Variants in PCTP observed in about 807,000 individuals in gnomAD.
The protein encoded by PCTP is START domain-containing protein 2.
PCTP carries 27 observed loss-of-function variants against 31.0 expected under a neutral mutation model. The ratio of observed to expected loss-of-function variants is 0.87; its 90% CI spans 0.64 to 1.20. PCTP has a LOEUF of 1.20. PCTP is among the 50% of genes most tolerant of loss of function. The pLI is 0.00. For synonymous variants in PCTP, 108 were observed against 101.2 expected (o/e 1.07, Z -0.40); for missense variants, 287 against 268.2 (o/e 1.07, Z -0.49).
intron 5 of PCTP, among the ~76,000 whole-genome samples, chr17:55,839,737 G>T (rs925051234): frequency 6.6e-6 from 1 of 151,012 alleles, no homozygotes; most frequent in African/African-American, 2.4e-5. Flanking sequence ...CGGCTAAAAC[G>T]GTGAAACCCC....
At chr17:55,809,524 T>G (rs111834628) in intron 3 of PCTP, among the ~76,000 whole-genome samples, 2 of 90,580 alleles carry the variant, frequency 2.2e-5, no homozygotes, top group African/African-American at 1.1e-4. Flanking sequence ...TCTCAGAGTC[T>G]TTTTTTTTTT....
intron 3 of PCTP, among the ~76,000 whole-genome samples, chr17:55,809,522 T>TC (rs147497769): frequency 0.042 from 6,127 of 144,326 alleles, 418 homozygotes; most frequent in African/African-American, 0.14. Flanking sequence ...ATTCTCAGAG[T>TC]CTTTTTTTTT....
chr17:55,804,849 CTTAAAA>C (rs1485855453), intron 3 of PCTP, among the ~76,000 whole-genome samples: 13 of 151,914 alleles, frequency 8.6e-5, no homozygotes, highest in Non-Finnish European at 1.8e-4. Flanking sequence ...TATCCCAGAA[CTTAAAA>C]TTTAATAAAA....
chr17:55,806,573 T>A (rs1326386811), intron 3 of PCTP, among the ~76,000 whole-genome samples: 1 of 152,146 alleles, frequency 6.6e-6, no homozygotes, highest in Admixed American at 6.5e-5. Context: ...AACAACATCC[T>A]ACCCTAGGAT....
chr17:55,824,438 G>A (rs1218443161), downstream of PCTP, among the ~76,000 whole-genome samples: 3 of 152,188 alleles, frequency 2.0e-5, no homozygotes, highest in Admixed American at 6.5e-5. Flanking sequence ...CTCAGTGCAT[G>A]TCTCAAATTA....
At chr17:55,823,051 G>A (rs986824091) in exon 4 of PCTP, 2 of 317,994 alleles carry the variant, frequency 6.3e-6, no homozygotes, top group African/African-American at 4.3e-5. Flanking sequence ...TCTATGTACT[G>A]GAAAGATAGC....
intron 5 of PCTP, among the ~76,000 whole-genome samples, chr17:55,837,746 A>C (rs1905823545): frequency 6.7e-6 from 1 of 149,666 alleles, no homozygotes; most frequent in African/African-American, 2.4e-5. Flanking sequence ...AGCCACCATC[A>C]TCTCTCTTGC....
At chr17:55,790,940 C>CATGATA (rs1911943189) in intron 3 of PCTP, among the ~76,000 whole-genome samples, 2 of 151,482 alleles carry the variant, frequency 1.3e-5, no homozygotes, top group Non-Finnish European at 1.5e-5. Flanking sequence ...CAGCATGATA[C>CATGATA]TGGTACCAAA....
At chr17:55,753,877 T>G (rs2144901357) in intron 1 of PCTP, among the ~76,000 whole-genome samples, 1 of 152,218 alleles carries the variant, frequency 6.6e-6, no homozygotes, top group South Asian at 2.1e-4. Context: ...GCCCCTACTC[T>G]TTCCCCAAGC....
At chr17:55,800,940 G>A (rs1265144765) in intron 3 of PCTP, among the ~76,000 whole-genome samples, 1 of 152,046 alleles carries the variant, frequency 6.6e-6, no homozygotes, top group Non-Finnish European at 1.5e-5. Context: ...GTTTGCCTGG[G>A]TATCACCAGT....
In PCTP at chr17:55,774,782, C is replaced by A. The variant is rs748464215; in HGVS notation, c.512-10C>A. The A allele has an allele frequency of 3.1e-6, 5 of 1,602,566 alleles. No individual in the cohort carries two copies. The highest frequency in any genetic ancestry group is 4.3e-6 in the Non-Finnish European group (5 of 1,170,924). On this transcript the variant is annotated splice_polypyrimidine_tract_variant and intron_variant, in intron 4 of 5. Coordinates refer to ENST00000268896, the MANE Select transcript of PCTP (RefSeq NM_021213.4). Reference sequence around the variant, plus strand: ...CCTTTTTCTGAATTGTCCTTTCTTTCCCTCTCTAGTTTTCATGTATTACTT... The same window carrying A: ...CCTTTTTCTGAATTGTCCTTTCTTTACCTCTCTAGTTTTCATGTATTACTT...
intron 5 of PCTP, among the ~76,000 whole-genome samples, chr17:55,775,155 G>C (rs571414751): frequency 2.4e-4 from 37 of 152,272 alleles, no homozygotes; most frequent in African/African-American, 8.7e-4. Context: ...TCTGCTCTTA[G>C]TAGGAACAAT....
chr17:55,784,262 C>G (rs1289428298), intron 2 of PCTP, among the ~76,000 whole-genome samples: 3 of 152,120 alleles, frequency 2.0e-5, no homozygotes. Context: ...TGTTTGTTCT[C>G]CAGCAGGAAG....
chr17:55,838,293 G>A (rs373736887), intron 5 of PCTP, among the ~76,000 whole-genome samples: 7 of 152,166 alleles, frequency 4.6e-5, no homozygotes, highest in African/African-American at 9.7e-5. Flanking sequence ...ACTCTCAGCC[G>A]CATTCATCTC....
At chr17:55,759,588 G>T (rs1910233531) in intron 1 of PCTP, among the ~76,000 whole-genome samples, 6 of 152,180 alleles carry the variant, frequency 3.9e-5, no homozygotes, top group Admixed American at 3.9e-4. Context: ...TAAATAGATT[G>T]GGGGTGTTTC....
chr17:55,848,916 C>T, the PCTP span, among the ~76,000 whole-genome samples: 1 of 152,080 alleles, frequency 6.6e-6, no homozygotes, highest in Admixed American at 6.5e-5. Flanking sequence ...ACATAGAAAA[C>T]AGTTCATGCT....
the PCTP span, among the ~76,000 whole-genome samples, chr17:55,851,367 C>T: frequency 0.015 from 2,242 of 152,248 alleles, 49 homozygotes; most frequent in African/African-American, 0.052. Flanking sequence ...ACAGAGCTTT[C>T]AGATGAGCTG....
At chr17:55,786,828 G>A (rs768213750) in intron 2 of PCTP, among the ~76,000 whole-genome samples, 5 of 152,114 alleles carry the variant, frequency 3.3e-5, no homozygotes, top group East Asian at 1.9e-4. Flanking sequence ...CCTCTCCACC[G>A]TTTCCAATGA....
chr17:55,822,132 A>G (rs917427340), intron 3 of PCTP, among the ~76,000 whole-genome samples: 1 of 152,200 alleles, frequency 6.6e-6, no homozygotes, highest in Non-Finnish European at 1.5e-5. Context: ...TCCTAGTTCC[A>G]AGAAACAAAA....
Sources: allele counts gnomAD v4.1 joint callset (sites outside exome capture counted in the v4.1 genomes callset), GRCh38; gene constraint gnomAD v4.1.1; transcripts MANE v1.5; gene names NCBI Gene and HGNC (gene_info 2026-07-23, HGNC 2026-07-21).